Variants in CFTR observed in about 807,000 individuals in gnomAD.
CFTR encodes CF transmembrane conductance regulator, also known as cystic fibrosis transmembrane conductance regulator.
A neutral mutation model predicts 171.6 loss-of-function variants in CFTR; 181 were observed. The ratio of observed to expected loss-of-function variants is 1.05; its 90% CI spans 0.93 to 1.19. CFTR has a LOEUF of 1.19. CFTR is among the 50% of genes most tolerant of loss of function. The pLI, the probability that CFTR is intolerant of heterozygous loss-of-function variation, is 0.00. For synonymous variants in CFTR, 583 were observed against 608.0 expected, an observed-to-expected ratio of 0.96 and a Z score of 0.60; for missense variants, 1,968 against 1,734.7, an observed-to-expected ratio of 1.13 and a Z score of -2.39.
intron 1 of CFTR, among the ~76,000 whole-genome samples, chr7:117,501,880 C>T (rs1037368415): frequency 6.7e-6 from 1 of 148,856 alleles, no homozygotes; most frequent in African/African-American, 2.5e-5. Flanking sequence ...CGTTATTTGC[C>T]TTCATTGTAT....
intron 21 of CFTR, among the ~76,000 whole-genome samples, chr7:117,624,322 G>C (rs1792621309): frequency 6.6e-6 from 1 of 152,118 alleles, no homozygotes; most frequent in African/African-American, 2.4e-5. Flanking sequence ...ATGTGACCTA[G>C]AGGGGCATGG....
At chr7:117,615,124 G>A (rs1792465629) in intron 21 of CFTR, among the ~76,000 whole-genome samples, 1 of 152,112 alleles carries the variant, frequency 6.6e-6, no homozygotes, top group South Asian at 2.1e-4. Flanking sequence ...TTGGTGTCTG[G>A]TAGATGTGAA....
chr7:117,612,023 G>GTATGTATATATATATA (rs1554392388), intron 20 of CFTR, among the ~76,000 whole-genome samples: 2 of 53,242 alleles, frequency 3.8e-5, no homozygotes, highest in African/African-American at 2.2e-4. Flanking sequence ...ATATATATAT[G>GTATGTATATATATATA]TATATATATA....
intron 15 of CFTR, among the ~76,000 whole-genome samples, chr7:117,598,128 C>G (rs1198861278): frequency 6.6e-6 from 1 of 152,156 alleles, no homozygotes; most frequent in African/African-American, 2.4e-5. Context: ...AGACAGAGAT[C>G]CAGCTTTTTT....
intron 11 of CFTR, among the ~76,000 whole-genome samples, chr7:117,580,960 G>A (rs1398285310): frequency 2.0e-5 from 3 of 152,064 alleles, no homozygotes; most frequent in African/African-American, 7.2e-5. Flanking sequence ...TCGAATAAAC[G>A]ATTAGTCATC....
Position 117,658,335 on chromosome 7 carries a change from C to T in CFTR, c.3963+5404C>T, listed in dbSNP as rs190900826. Reference sequence around the variant, plus strand: ...CATGTAAAATGGGCCCAGCGCAGTGCCTGGCAAATATGGGTACTAAGTAAA... The same window carrying T: ...CATGTAAAATGGGCCCAGCGCAGTGTCTGGCAAATATGGGTACTAAGTAAA... On this transcript the variant is annotated intron_variant, in intron 24 of 26. Transcript: ENST00000003084. 4.4e-3 allele frequency among the ~76,000 whole-genome samples: 665 copies of T among 152,176 alleles called. 3 individuals carry two copies. The highest frequency in any genetic ancestry group is 0.011 in the Admixed American group (165 of 15,280).
intron 11 of CFTR, among the ~76,000 whole-genome samples, chr7:117,578,016 A>G (rs772569857): frequency 2.0e-5 from 3 of 152,108 alleles, no homozygotes; most frequent in Non-Finnish European, 2.9e-5. Context: ...GTACATATAT[A>G]TGGCTATATA....
In CFTR at chr7:117,635,083, T is replaced by C. The variant is rs540620965; in HGVS notation, c.3717+7313T>C. Among the ~76,000 whole-genome samples the C allele has an allele frequency of 3.5e-4, 54 of 152,306 alleles. No homozygotes were observed. The South Asian group carries it at 0.011, about 30-fold the overall frequency. ...TCCAACTCTAGTAGTGAATATTCTATTTCTTGTTACAGTTTTATCAACTTC... is the reference window on the plus strand; with the variant it reads ...TCCAACTCTAGTAGTGAATATTCTACTTCTTGTTACAGTTTTATCAACTTC... On this transcript the variant is annotated intron_variant, in intron 22 of 26. Transcript: ENST00000003084.
chr7:117,585,348 A>G (rs1446703363), intron 11 of CFTR, among the ~76,000 whole-genome samples: 1 of 152,036 alleles, frequency 6.6e-6, no homozygotes, highest in Non-Finnish European at 1.5e-5. Context: ...TCAATAATCT[A>G]TTTTCTATAG....
At chr7:117,481,961 G>A (rs1289435621) in intron 1 of CFTR, among the ~76,000 whole-genome samples, 1 of 152,158 alleles carries the variant, frequency 6.6e-6, no homozygotes, top group Non-Finnish European at 1.5e-5. Context: ...TTTGGAGACT[G>A]TCATAGGGGT....
intron 4 of CFTR, among the ~76,000 whole-genome samples, chr7:117,533,079 A>C (rs186837172): frequency 6.6e-6 from 1 of 152,200 alleles, no homozygotes; most frequent in Non-Finnish European, 1.5e-5. Flanking sequence ...CTTTTCAAGA[A>C]TGCAGAGATA....
At chr7:117,565,333 G>C in intron 11 of CFTR, among the ~76,000 whole-genome samples, 1 of 152,242 alleles carries the variant, frequency 6.6e-6, no homozygotes. Context: ...CTGTTCTCTT[G>C]CCTTTTTAAT....
chr7:117,539,963 G>A (rs1172605745), intron 7 of CFTR, 137 bp from the exon 8 acceptor site: 3 of 701,846 alleles, frequency 4.3e-6, no homozygotes, highest in South Asian at 3.5e-5. Flanking sequence ...AGGTCACACA[G>A]GTCATATGAT....
At position 117,501,820 on chromosome 7, in the gene CFTR, AATT is replaced by A. The variant is rs974884953; in HGVS notation, c.54-2430_54-2428del. On this transcript the variant is annotated intron_variant, in intron 1 of 26. Coordinates refer to ENST00000003084, the MANE Select transcript of CFTR (RefSeq NM_000492.4). ...AAAAGCAAACAAACAAAAAAACAAA[AATT>A]ATCACTTCCTAATTATTTTGCATTT... Among the ~76,000 whole-genome samples, 448 of 150,360 alleles carry A rather than the reference AATT, an allele frequency of 3.0e-3. 1 individual carries two copies. The highest frequency in any genetic ancestry group is 0.01 in the African/African-American group (425 of 41,094).
At chr7:117,660,463 C>G (rs1793255313) in intron 24 of CFTR, among the ~76,000 whole-genome samples, 1 of 151,958 alleles carries the variant, frequency 6.6e-6, no homozygotes, top group Non-Finnish European at 1.5e-5. Flanking sequence ...GAAATCCCCT[C>G]TCCACTAAAA....
At chr7:117,591,008 T>G (rs755778826) in intron 13 of CFTR, among the ~76,000 whole-genome samples, 60 of 152,180 alleles carry the variant, frequency 3.9e-4, no homozygotes, top group Middle Eastern at 3.4e-3. Flanking sequence ...TTATATGGCT[T>G]GATTTCAAAG....
chr7:117,571,218 T>C (rs557604695), intron 11 of CFTR, among the ~76,000 whole-genome samples: 28 of 152,180 alleles, frequency 1.8e-4, no homozygotes, highest in Non-Finnish European at 3.7e-4. Context: ...TAGGTAAGTA[T>C]GAAGGCCAGG....
At chr7:117,525,951 T>C (rs1266459180) in intron 3 of CFTR, among the ~76,000 whole-genome samples, 3 of 149,852 alleles carry the variant, frequency 2.0e-5, no homozygotes, top group Non-Finnish European at 4.4e-5. Context: ...ATTTTGCTCA[T>C]TAGTTGATGC....
At chr7:117,599,328 A>G (rs977903042) in intron 15 of CFTR, among the ~76,000 whole-genome samples, 1 of 152,170 alleles carries the variant, frequency 6.6e-6, no homozygotes, top group African/African-American at 2.4e-5. Context: ...CCTTTGTCTC[A>G]TGCAGCTCCA....
Sources: allele counts gnomAD v4.1 joint callset (sites outside exome capture counted in the v4.1 genomes callset), GRCh38; gene constraint gnomAD v4.1.1; transcripts MANE v1.5; gene names NCBI Gene and HGNC (gene_info 2026-07-23, HGNC 2026-07-21).